TMEM132B: variants seen among roughly 807,000 people sequenced by gnomAD.
TMEM132B encodes the protein transmembrane protein 132B.
Under a neutral mutation model 90.8 loss-of-function variants are expected in TMEM132B, and 18 were observed. That is an observed-to-expected ratio of 0.20 (90% CI 0.14 to 0.29). The LOEUF (loss-of-function observed/expected upper bound fraction) is 0.29, where lower values mean the gene tolerates loss of function less well. Ranked by LOEUF, TMEM132B falls within the 10% of genes least tolerant of loss-of-function variation. The pLI, the probability that TMEM132B is intolerant of heterozygous loss-of-function variation, is 1.00. For missense variants in TMEM132B, 1,096 were observed against 1,326.8 expected (o/e 0.83, Z 2.70); for synonymous variants, 504 against 523.3 (o/e 0.96, Z 0.50).
chr12:125,584,167 G>C (rs1286525558), intron 5 of TMEM132B, 173 bp downstream of exon 5: 13 of 866,230 alleles, frequency 1.5e-5, no homozygotes, highest in Non-Finnish European at 2.4e-5. Context: ...GGAATCAGCA[G>C]GCGGCTGCAG....
chr12:125,653,001 C>T (rs1886964838), intron 8 of TMEM132B, among the ~76,000 whole-genome samples: 1 of 152,220 alleles, frequency 6.6e-6, no homozygotes, highest in Non-Finnish European at 1.5e-5. Flanking sequence ...GGCTAACAGG[C>T]ACCAAATTGC....
chr12:125,300,453 T>C (rs979477036), intron 1 of TMEM132B, among the ~76,000 whole-genome samples: 1 of 152,124 alleles, frequency 6.6e-6, no homozygotes, highest in African/African-American at 2.4e-5. Flanking sequence ...TTGGCCCCTG[T>C]GTGTGGCCCT....
intron 1 of TMEM132B, among the ~76,000 whole-genome samples, chr12:125,226,823 A>G (rs1382299793): frequency 6.6e-6 from 1 of 152,190 alleles, no homozygotes; most frequent in Admixed American, 6.5e-5. Context: ...CAATCTCACC[A>G]GGTCCCAGAT....
chr12:125,298,841 C>T (rs1052972219), intron 1 of TMEM132B, among the ~76,000 whole-genome samples: 24 of 151,320 alleles, frequency 1.6e-4, no homozygotes, highest in Admixed American at 1.2e-3. Flanking sequence ...TCATGCCATT[C>T]TCCTGCCTCA....
chr12:125,644,647 C>T (rs771074296), intron 6 of TMEM132B, among the ~76,000 whole-genome samples: 6 of 152,042 alleles, frequency 3.9e-5, no homozygotes, highest in Non-Finnish European at 7.3e-5. Flanking sequence ...CTCTCAGTTC[C>T]CCTGCTTGTA....
chr12:125,584,048 C>T, intron 5 of TMEM132B, 54 bp downstream of exon 5: 2 of 1,611,806 alleles, frequency 1.2e-6, no homozygotes, highest in Middle Eastern at 3.3e-4. Context: ...TTTTGTCGTT[C>T]CTTCTTTTGT....
chr12:125,530,614 G>A (rs1027977679), intron 4 of TMEM132B, among the ~76,000 whole-genome samples: 2 of 152,226 alleles, frequency 1.3e-5, no homozygotes, highest in Non-Finnish European at 2.9e-5. Flanking sequence ...TAGCAGGGAG[G>A]TGCTCCCTCT....
At chr12:125,373,460 A>C (rs1000813777) in intron 2 of TMEM132B, among the ~76,000 whole-genome samples, 4 of 152,242 alleles carry the variant, frequency 2.6e-5, no homozygotes, top group Non-Finnish European at 4.4e-5. Flanking sequence ...GAAGATGATC[A>C]TCTGCAAGCC....
chr12:125,345,842 G>A (rs750607012), intron 1 of TMEM132B, among the ~76,000 whole-genome samples: 7 of 152,082 alleles, frequency 4.6e-5, no homozygotes, highest in African/African-American at 2.4e-5. Context: ...GACTGAATAG[G>A]GCCTCATTTC....
chr12:125,402,263 C>T (rs1184884025), intron 2 of TMEM132B, among the ~76,000 whole-genome samples: 1 of 152,184 alleles, frequency 6.6e-6, no homozygotes. Flanking sequence ...GATCTTGGCT[C>T]ACTGCAACCT....
intron 3 of TMEM132B, among the ~76,000 whole-genome samples, chr12:125,502,766 C>A (rs975383175): frequency 6.6e-6 from 1 of 152,130 alleles, no homozygotes; most frequent in African/African-American, 2.4e-5. Flanking sequence ...GAGCTTGGCA[C>A]AGAGTAGATG....
At chr12:125,215,760 T>C (rs1873424420) in intron 1 of TMEM132B, among the ~76,000 whole-genome samples, 1 of 152,232 alleles carries the variant, frequency 6.6e-6, no homozygotes, top group South Asian at 2.1e-4. Context: ...CAGGCTGGTC[T>C]TGAACTCCAG....
intron 3 of TMEM132B, among the ~76,000 whole-genome samples, chr12:125,469,285 C>T (rs966774742): frequency 6.6e-6 from 1 of 152,138 alleles, no homozygotes; most frequent in East Asian, 1.9e-4. Context: ...TGTTAAGTTT[C>T]GTTTCTGCCA....
chr12:125,466,311 C>T (rs1881561565), intron 3 of TMEM132B, among the ~76,000 whole-genome samples: 2 of 152,164 alleles, frequency 1.3e-5, no homozygotes, highest in South Asian at 4.1e-4. Flanking sequence ...TGGCCACTGG[C>T]ATTTAATAAA....
At chr12:125,454,031 A>G (rs1881224012) in intron 3 of TMEM132B, among the ~76,000 whole-genome samples, 1 of 152,144 alleles carries the variant, frequency 6.6e-6, no homozygotes, top group Non-Finnish European at 1.5e-5. Context: ...TTGCTTCTGC[A>G]CATGGCTCTG....
intron 2 of TMEM132B, among the ~76,000 whole-genome samples, chr12:125,377,241 T>C (rs1328215948): frequency 6.6e-6 from 1 of 152,254 alleles, no homozygotes; most frequent in South Asian, 2.1e-4. Flanking sequence ...GGGCATGAAA[T>C]GGAGAGAGTT....
At chr12:125,612,790 A>G (rs1205930185) in intron 5 of TMEM132B, among the ~76,000 whole-genome samples, 1 of 109,606 alleles carries the variant, frequency 9.1e-6, no homozygotes, top group Non-Finnish European at 2.0e-5. Context: ...TTAAAAATAT[A>G]TTTTTTTATT....
In TMEM132B at chr12:125,613,153, C is replaced by G. The variant is rs373432088; in HGVS notation, c.1437+29159C>G. On this transcript the variant is annotated intron_variant, in intron 5 of 8. Transcript: ENST00000682704. ...TTATATATTATATATAAATATATAT[C>G]ATATATATTTATATATTATATATAA... is the stretch of plus-strand genomic sequence containing the variant. Among the ~76,000 whole-genome samples, 115 of 99,032 alleles carry G rather than the reference C, an allele frequency of 1.2e-3. 7 individuals are homozygous for G. Among genetic ancestry groups the G allele is most frequent in the South Asian group, 5.0e-3 (16 of 3,188 alleles). 65.0% of individuals were successfully genotyped at this position (99,032 alleles called of 152,430 possible).
At chr12:125,266,654 G>A (rs893464104) in intron 1 of TMEM132B, among the ~76,000 whole-genome samples, 46 of 152,028 alleles carry the variant, frequency 3.0e-4, no homozygotes, top group African/African-American at 1.1e-3. Context: ...GGTTGGGTTA[G>A]GCCTTCTCCA....
Sources: gnomAD v4.1 joint callset for allele counts (sites outside exome capture counted in the v4.1 genomes callset) on GRCh38, gnomAD v4.1.1 for gene constraint, MANE v1.5 for transcripts, NCBI Gene and HGNC (gene_info 2026-07-23, HGNC 2026-07-21) for gene names.